Variants in GSN observed in about 807,000 individuals in gnomAD.
The protein encoded by GSN is actin-depolymerizing factor.
A neutral mutation model predicts 85.7 loss-of-function variants in GSN; 56 were observed. The ratio of observed to expected loss-of-function variants is 0.65; its 90% CI spans 0.53 to 0.82. The LOEUF (loss-of-function observed/expected upper bound fraction) is 0.82. Among genes scored for constraint, GSN ranks in the 40% least tolerant of loss-of-function variants. The pLI is 0.00. For missense variants in GSN, 857 were observed against 979.8 expected, an observed-to-expected ratio of 0.87 and a Z score of 1.67; for synonymous variants, 373 against 399.1, an observed-to-expected ratio of 0.93 and a Z score of 0.78.
chr9:121,225,854 G>T (rs561811818), intron 4 of GSN, among the ~76,000 whole-genome samples: 1 of 152,244 alleles, frequency 6.6e-6, no homozygotes, highest in South Asian at 2.1e-4. Context: ...GCCCAGGCTG[G>T]AGTGTGGTGG....
rs1283285631 is a variant in GSN at position 121,261,647 on chromosome 9, C to A, written c.-340-3507C>A. ...GGTTTCCTCCCGTTTTTTATAAGAC[C>A]CATCCATCTTGCCATATGGCTTGGT... On this transcript the variant is annotated intron_variant, in intron 6 of 24. Transcript: ENST00000373823. The surrounding 1 kb of genome is among the most constrained non-coding windows in gnomAD (Gnocchi z 4.1). 6.6e-6 allele frequency among the ~76,000 whole-genome samples: 1 copy of A among 152,152 alleles called. No individual in the cohort carries two copies. Among genetic ancestry groups the A allele is most frequent in the African/African-American group, 2.4e-5 (1 of 41,428 alleles).
chr9:121,291,117 C>A (rs894302872), intron 2 of GSN, among the ~76,000 whole-genome samples: 6 of 151,970 alleles, frequency 3.9e-5, no homozygotes, highest in Non-Finnish European at 7.4e-5. Flanking sequence ...AGTGTAACAA[C>A]TATTTACATA....
chr9:121,302,673 C>T lies in GSN; in HGVS notation c.197-238C>T, dbSNP rs1227496940. ...ATGCTCCCAGTCCTGAGTTTACGCT[C>T]AGGAGGGCTGAGAATGAACATAAGG... On this transcript the variant is annotated intron_variant, in intron 3 of 17. Coordinates refer to ENST00000432226, the MANE Select transcript of GSN (RefSeq NM_198252.3). 2.0e-5 allele frequency among the ~76,000 whole-genome samples: 3 copies of T among 152,142 alleles called. No individual in the cohort carries two copies. The East Asian group carries it at 5.8e-4, about 29-fold the overall frequency.
At position 121,230,674 on chromosome 9, in the gene GSN, C is replaced by T. The variant is rs367549591; in HGVS notation, c.-527-491C>T. ...CATCGGTAAAATGGGGTAATCATAC[C>T]CACCTCATAGTTAAATGGGTTCATT... On this transcript the variant is annotated intron_variant, in intron 4 of 24. Transcript: ENST00000373823. Among the ~76,000 whole-genome samples the T allele has an allele frequency of 8.5e-5, 13 of 152,148 alleles. No individual in the cohort carries two copies. In the East Asian group the frequency reaches 2.3e-3, roughly 27 times the overall value.
At chr9:121,274,651 G>A (rs911912494) in intron 1 of GSN, among the ~76,000 whole-genome samples, 4 of 152,216 alleles carry the variant, frequency 2.6e-5, no homozygotes, top group Non-Finnish European at 4.4e-5. Flanking sequence ...CAGCATGGGC[G>A]AGTGGGAATT....
At chr9:121,315,846 T>C (rs907331139) in intron 7 of GSN, among the ~76,000 whole-genome samples, 1 of 152,236 alleles carries the variant, frequency 6.6e-6, no homozygotes, top group African/African-American at 2.4e-5. Flanking sequence ...GAATTCCAGG[T>C]CAGCTATTTC....
intron 1 of GSN, among the ~76,000 whole-genome samples, chr9:121,279,251 G>A (rs1465225079): frequency 6.6e-6 from 1 of 152,186 alleles, no homozygotes; most frequent in Non-Finnish European, 1.5e-5. Flanking sequence ...GAGTTGAAGG[G>A]GACAGGTCAT....
rs2062000924 is a variant in GSN, at chr9:121,318,643, C to T, written c.976-22C>T. 1 of 1,584,356 alleles carries T rather than the reference C, an allele frequency of 6.3e-7. No individual in the cohort carries two copies. Among genetic ancestry groups the T allele is most frequent in the African/African-American group, 1.3e-5 (1 of 74,356 alleles). ...TGCTGGGCAGCCCAGCCACATCCTG[C>T]TCCTCTGCCTCCCCTCCCCAGGTCT... On this transcript the variant is annotated intron_variant, in intron 9 of 17. Coordinates refer to ENST00000432226, the MANE Select transcript of GSN (RefSeq NM_198252.3). This position sits in a 1 kb window ranked among gnomAD's most constrained non-coding sequence, Gnocchi z 4.3.
chr9:121,312,577 G>GC, intron 6 of GSN, 89 bp downstream of exon 6: 114 of 964,158 alleles, frequency 1.2e-4, no homozygotes, highest in East Asian at 1.6e-4. Context: ...GTGAATTTGA[G>GC]GAAAAAAAAA....
At chr9:121,263,727 C>T (rs567851119), upstream of GSN, among the ~76,000 whole-genome samples, 5 of 152,048 alleles carry the variant, frequency 3.3e-5, no homozygotes, top group East Asian at 1.9e-4. Flanking sequence ...CCCGTCTCTA[C>T]TAAAAATACA....
chr9:121,202,055 C>G, the GSN span, among the ~76,000 whole-genome samples: 7 of 152,216 alleles, frequency 4.6e-5, no homozygotes, highest in Non-Finnish European at 7.3e-5. Flanking sequence ...GCCCGCCCCA[C>G]GGGCGCTCGC....
Position 121,261,735 on chromosome 9 carries a change from A to G in GSN, c.-340-3419A>G, listed in dbSNP as rs1221853639. On this transcript the variant is annotated intron_variant, in intron 6 of 24. Coordinates refer to the GSN transcript ENST00000373823. This position sits in a 1 kb window ranked among gnomAD's most constrained non-coding sequence, Gnocchi z 4.1. The stretch of plus-strand genomic sequence containing the variant: ...ACACTGGCTCAAGCTCATTCACCTT[A>G]AACACCTCCACGCCCGTACCTAGGG... Among the ~76,000 whole-genome samples the G allele has an allele frequency of 6.6e-6, 1 of 152,158 alleles. No homozygotes were observed. Among genetic ancestry groups the G allele is most frequent in the Non-Finnish European group, 1.5e-5 (1 of 68,034 alleles).
At chr9:121,246,237 G>A (rs1005840252) in intron 5 of GSN, among the ~76,000 whole-genome samples, 2 of 152,044 alleles carry the variant, frequency 1.3e-5, no homozygotes, top group Non-Finnish European at 2.9e-5. Flanking sequence ...ACATTTGAGT[G>A]GTTTTAACAT....
Position 121,313,939 on chromosome 9 carries a change from G to A in GSN, c.669G>A (p.Leu223=), listed in dbSNP as rs750193400. 6.2e-7 allele frequency: 1 copy of A among 1,613,514 alleles called. No individual in the cohort carries two copies. The highest frequency in any genetic ancestry group is 8.5e-7 in the Non-Finnish European group (1 of 1,179,408). ...GTEPEAMLQV[L]GPKPALPAGT... ...CATCTCTCTATCTCCTACAGGTGCT[G>A]GGCCCCAAGCCGGCTCTGCCTGCAG... The change falls in exon 7 of 18, where the codon CTG becomes CTA. Residue 223 remains leucine, a synonymous_variant. Coordinates refer to ENST00000432226, the MANE Select transcript of GSN (RefSeq NM_198252.3).
intron 6 of GSN, among the ~76,000 whole-genome samples, chr9:121,260,866 T>C (rs1262983768): frequency 6.6e-6 from 1 of 151,976 alleles, no homozygotes; most frequent in Admixed American, 6.6e-5. Context: ...GAGAAGGGAA[T>C]GTAAGAAGGA....
chr9:121,312,372 C>T lies in GSN; in HGVS notation c.547C>T (p.Arg183Trp), dbSNP rs371175865. 4.3e-5 allele frequency: 69 copies of T among 1,614,050 alleles called. No homozygotes were observed. The highest frequency in any genetic ancestry group is 6.6e-5 in the South Asian group (6 of 91,082). ...CCAGTGGTGTGGTTCCAACAGCAATCGGTATGAAAGACTGAAGGCCACACA... is the reference window on the plus strand; with the variant it reads ...CCAGTGGTGTGGTTCCAACAGCAATTGGTATGAAAGACTGAAGGCCACACA... The part of the protein sequence containing the change: ...IHQWCGSNSN[R>W]YERLKATQVS... The change falls in exon 6 of 18, where the codon CGG becomes TGG. Residue 183 changes from arginine to tryptophan, a missense_variant. Coordinates refer to ENST00000432226, the MANE Select transcript of GSN (RefSeq NM_198252.3).
At chr9:121,263,943 G>A (rs1230769284), upstream of GSN, among the ~76,000 whole-genome samples, 2 of 149,924 alleles carry the variant, frequency 1.3e-5, no homozygotes, top group South Asian at 2.1e-4. Context: ...TCATGAGAAC[G>A]GCATGGGGGA....
chr9:121,311,158 C>T, intron 5 of GSN: 1 of 415,986 alleles, frequency 2.4e-6, no homozygotes, highest in Non-Finnish European at 4.5e-6. Context: ...GGGCTTTTGC[C>T]CACCAGGTGT....
chr9:121,215,325 T>G (rs1406864219), intron 4 of GSN, among the ~76,000 whole-genome samples: 2 of 152,006 alleles, frequency 1.3e-5, no homozygotes, highest in Non-Finnish European at 2.9e-5. Context: ...GGGTTAGAAT[T>G]TCAACATATC....
Sources: allele counts gnomAD v4.1 joint callset (sites outside exome capture counted in the v4.1 genomes callset), GRCh38; gene constraint gnomAD v4.1.1; non-coding constraint Gnocchi (gnomAD v3.1); transcripts MANE v1.5; gene names NCBI Gene and HGNC (gene_info 2026-07-23, HGNC 2026-07-21).